ZNF462: variants seen among roughly 807,000 people sequenced by gnomAD.
ZNF462 encodes the protein zinc finger protein 462.
A neutral mutation model predicts 201.9 loss-of-function variants in ZNF462; 10 were observed. The observed-to-expected ratio is 0.05, with a 90% confidence interval of 0.03 to 0.08. ZNF462 has a LOEUF of 0.08. ZNF462 is among the 10% of genes least tolerant of loss of function. ZNF462 has a pLI of 1.00. For missense variants in ZNF462, 2,523 were observed against 3,168.3 expected, an observed-to-expected ratio of 0.80 and a Z score of 4.89; for synonymous variants, 1,227 against 1,193.3, an observed-to-expected ratio of 1.03 and a Z score of -0.58.
chr9:106,950,410 G>A lies in ZNF462; in HGVS notation c.6427+11303G>A, dbSNP rs1167434755. On this transcript the variant is annotated intron_variant, in intron 7 of 12. Coordinates refer to ENST00000277225, the MANE Select transcript of ZNF462 (RefSeq NM_021224.6). The surrounding 1 kb of genome is among the most constrained non-coding windows in gnomAD (Gnocchi z 4.1). ...AGCAGCTGTGTGGTTAGTAGCTGTG[G>A]CAATCACAAATTATTGTCCTTGTGA... Among the ~76,000 whole-genome samples the A allele has an allele frequency of 2.6e-5, 4 of 152,148 alleles. No homozygotes were observed. The highest frequency in any genetic ancestry group is 2.6e-4 in the Admixed American group (4 of 15,276).
At chr9:106,992,367 A>G (rs1828353327) in intron 10 of ZNF462, among the ~76,000 whole-genome samples, 1 of 152,132 alleles carries the variant, frequency 6.6e-6, no homozygotes, top group Admixed American at 6.6e-5. Flanking sequence ...AAGTATGTAG[A>G]CAAACTGGAA....
intron 1 of ZNF462, among the ~76,000 whole-genome samples, chr9:106,909,720 AGG>A (rs1379446731): frequency 6.6e-6 from 1 of 152,164 alleles, no homozygotes. Flanking sequence ...AAAAAGTCAG[AGG>A]ACACCTGACT....
intron 1 of ZNF462, among the ~76,000 whole-genome samples, chr9:106,892,689 C>G (rs146305457): frequency 0.013 from 1,827 of 144,520 alleles, 30 homozygotes; most frequent in African/African-American, 0.049. Flanking sequence ...CACACACACA[C>G]ATGCACACAC....
rs1168539888 is a variant in ZNF462, at chr9:106,886,972, AT to A, written c.-31+23619del. ...TTCCCTATACTTGCTGTCCCTTACA[AT>A]TATGTGACTTAAAATTACAGCCTTA... On this transcript the variant is annotated intron_variant, in intron 1 of 12. Coordinates refer to ENST00000277225, the MANE Select transcript of ZNF462 (RefSeq NM_021224.6). The surrounding 1 kb of genome is among the most constrained non-coding windows in gnomAD (Gnocchi z 4.6). Among the ~76,000 whole-genome samples the A allele has an allele frequency of 2.0e-5, 3 of 152,108 alleles. No individual in the cohort carries two copies. Among genetic ancestry groups the A allele is most frequent in the African/African-American group, 7.2e-5 (3 of 41,418 alleles).
intron 7 of ZNF462, among the ~76,000 whole-genome samples, chr9:106,940,220 C>T (rs986359307): frequency 2.0e-5 from 3 of 152,122 alleles, no homozygotes; most frequent in African/African-American, 4.8e-5. Flanking sequence ...AGAAAAGATA[C>T]GCACCTGTAA....
rs535109225 is a variant in ZNF462 at position 106,919,841 on chromosome 9, A to G, written c.-30-3513A>G. 7.2e-5 allele frequency among the ~76,000 whole-genome samples: 11 copies of G among 152,344 alleles called. No homozygotes were observed. In the East Asian group the frequency reaches 1.2e-3, roughly 16 times the overall value. On this transcript the variant is annotated intron_variant, in intron 1 of 12. Coordinates refer to ENST00000277225, the MANE Select transcript of ZNF462 (RefSeq NM_021224.6). This position sits in a 1 kb window ranked among gnomAD's most constrained non-coding sequence, Gnocchi z 4.5. ...CTATTTGACCTTGAAGGGCCTAGAC[A>G]TATATCTGGGGTAGAAGACAGGGAT... is the stretch of plus-strand genomic sequence containing the variant.
Position 106,984,465 on chromosome 9 carries a change from G to A in ZNF462, c.7056+56G>A, listed in dbSNP as rs1181763457. 4 of 1,413,896 alleles carry A rather than the reference G, an allele frequency of 2.8e-6. No individual in the cohort carries two copies. Among genetic ancestry groups the A allele is most frequent in the Non-Finnish European group, 2.9e-6 (3 of 1,025,154 alleles). The allele number at this position is 1,413,896 out of a possible 1,614,324, so 87.6% of individuals were successfully genotyped here. On this transcript the variant is annotated intron_variant, in intron 10 of 12. Coordinates refer to ENST00000277225, the MANE Select transcript of ZNF462 (RefSeq NM_021224.6). The surrounding 1 kb of genome is among the most constrained non-coding windows in gnomAD (Gnocchi z 6.4). ...AGCACACTTGTGGGGAGGGGCCAAG[G>A]GGGAGACACCACTGCATTTAGTCAC...
Position 106,883,231 on chromosome 9 carries a change from G to T in ZNF462, c.-31+19876G>T, listed in dbSNP as rs1032604424. Among the ~76,000 whole-genome samples the T allele has an allele frequency of 2.6e-5, 4 of 152,214 alleles. No homozygotes were observed. Among genetic ancestry groups the T allele is most frequent in the African/African-American group, 9.7e-5 (4 of 41,448 alleles). On this transcript the variant is annotated intron_variant, in intron 1 of 12. Coordinates refer to ENST00000277225, the MANE Select transcript of ZNF462 (RefSeq NM_021224.6). This position sits in a 1 kb window ranked among gnomAD's most constrained non-coding sequence, Gnocchi z 4.9. ...TTTGAAGGGTGTGCGCTGCAGAGCAGTTTCCTGTTATTTGGTTAATGGTTG... is the reference window on the plus strand; with the variant it reads ...TTTGAAGGGTGTGCGCTGCAGAGCATTTTCCTGTTATTTGGTTAATGGTTG...
chr9:106,994,654 A>G lies in ZNF462; in HGVS notation c.7057-8640A>G, dbSNP rs556561874. 4.0e-4 allele frequency among the ~76,000 whole-genome samples: 61 copies of G among 152,266 alleles called. 1 individual carries two copies. In the Middle Eastern group the frequency reaches 0.027, roughly 68 times the overall value. Reference sequence around the variant, plus strand: ...AGTTCTGCTTCTTGGTTTGTTAACTATAGCTCTGTCTCTTCCGTGTGTTGT... The same window carrying G: ...AGTTCTGCTTCTTGGTTTGTTAACTGTAGCTCTGTCTCTTCCGTGTGTTGT... On this transcript the variant is annotated intron_variant, in intron 10 of 12. Transcript: ENST00000277225.
In ZNF462 at chr9:107,010,933, T is replaced by C. The variant is rs761524331; in HGVS notation, c.7424T>C (p.Ile2475Thr). The C allele has an allele frequency of 2.5e-6, 4 of 1,613,720 alleles. No individual in the cohort carries two copies. Among genetic ancestry groups the C allele is most frequent in the East Asian group, 4.5e-5 (2 of 44,762 alleles). Residue 2475 changes from isoleucine to threonine, a missense_variant, in exon 13 of 13, where the codon ATT becomes ACT. Physicochemically the swap from Ile to Thr is moderately conservative, Grantham distance 89 (BLOSUM62 -1). This residue lies in a region of ZNF462 where 67 missense variants were observed against 63.2 expected (regional missense o/e 1.06). Coordinates refer to ENST00000277225, the MANE Select transcript of ZNF462 (RefSeq NM_021224.6). The surrounding 1 kb of genome is among the most constrained non-coding windows in gnomAD (Gnocchi z 4.6). ...SIEEKEDDEAIGIDFSLKNET... is the reference protein window; with the variant it reads ...SIEEKEDDEATGIDFSLKNET... ...GAGGAAAAGGAAGATGACGAGGCCA[T>C]TGGGATAGACTTTTCCCTAAAGAAT...
At chr9:106,881,338 G>A (rs1483710076) in intron 1 of ZNF462, among the ~76,000 whole-genome samples, 1 of 152,168 alleles carries the variant, frequency 6.6e-6, no homozygotes, top group Non-Finnish European at 1.5e-5. Context: ...GGCCTGTGAG[G>A]ACCTTGGTGG....
At chr9:106,998,799 G>A (rs932921086) in intron 10 of ZNF462, among the ~76,000 whole-genome samples, 1 of 151,902 alleles carries the variant, frequency 6.6e-6, no homozygotes, top group South Asian at 2.1e-4. Context: ...AGTAGAGACG[G>A]GGTTTCACCA....
At chr9:106,893,496 A>G (rs1828679184) in intron 1 of ZNF462, among the ~76,000 whole-genome samples, 1 of 152,226 alleles carries the variant, frequency 6.6e-6, no homozygotes, top group African/African-American at 2.4e-5. Flanking sequence ...GACATGGTAA[A>G]TATTTGGTAA....
intron 1 of ZNF462, among the ~76,000 whole-genome samples, chr9:106,914,712 A>G (rs1252381480): frequency 6.6e-6 from 1 of 152,214 alleles, no homozygotes; most frequent in Non-Finnish European, 1.5e-5. Context: ...GGTGGGAAGA[A>G]AAGACCACAA....
At position 106,929,174 on chromosome 9, in the gene ZNF462, T is replaced by G; in HGVS notation, c.5262T>G (p.Pro1754=). The change falls in exon 3 of 13, where the codon CCT becomes CCG. Residue 1754 remains proline (P), a synonymous_variant. Transcript: ENST00000277225. This position sits in a 1 kb window ranked among gnomAD's most constrained non-coding sequence, Gnocchi z 8.7. The part of the protein sequence containing the change: ...IIPSPPKDDS[P]QLSEELRRAV... ...CATCCCCGCCCAAGGACGACTCCCC[T>G]CAGCTGAGCGAGGAACTCCGGCGGG... 1.2e-6 allele frequency: 2 copies of G among 1,613,996 alleles called. No individual in the cohort carries two copies. Among genetic ancestry groups the G allele is most frequent in the South Asian group, 2.2e-5 (2 of 91,070 alleles).
In ZNF462 at chr9:106,925,555, C is replaced by A; in HGVS notation, c.1643C>A (p.Pro548Gln). ...QQQQPPQPPP[P>Q]PPPPPPSQPQ... ...CAACAGCCACCGCAGCCACCACCAC[C>A]GCCGCCGCCACCACCACCATCACAG... Residue 548 changes from proline to glutamine, a missense_variant, in exon 3 of 13, where the codon CCG becomes CAG. This residue lies in a region of ZNF462 where 383 missense variants were observed against 453.4 expected (regional missense o/e 0.84). Transcript: ENST00000277225. This position sits in a 1 kb window ranked among gnomAD's most constrained non-coding sequence, Gnocchi z 7.9. The A allele has an allele frequency of 6.2e-7, 1 of 1,612,186 alleles. No individual in the cohort carries two copies.
At position 106,886,718 on chromosome 9, in the gene ZNF462, C is replaced by G. The variant is rs529290044; in HGVS notation, c.-31+23363C>G. 5.9e-5 allele frequency among the ~76,000 whole-genome samples: 9 copies of G among 152,116 alleles called. No individual in the cohort carries two copies. Among genetic ancestry groups the G allele is most frequent in the Non-Finnish European group, 1.2e-4 (8 of 68,034 alleles). The stretch of plus-strand genomic sequence containing the variant: ...CAATGTAGGAAGTTAGTTAAGGAAG[C>G]CTGAAATGGAATATCAGTTTTCTGC... On this transcript the variant is annotated intron_variant, in intron 1 of 12. Transcript: ENST00000277225. The surrounding 1 kb of genome is among the most constrained non-coding windows in gnomAD (Gnocchi z 4.6).
In ZNF462 at chr9:106,864,039, GCTCTCTCTCTCTCTCTCTCTCTCT is replaced by G. The variant is rs773917122; in HGVS notation, c.-31+732_-31+755del. ...AGCCCCCCTCTTCCTCAGGTATTTG[GCTCTCTCTCTCTCTCTCTCTCTCT>G]CTCTCTCTCTCTCTCTCTCTCTCTC... On this transcript the variant is annotated intron_variant, in intron 1 of 12. Transcript: ENST00000277225. Among the ~76,000 whole-genome samples the G allele has an allele frequency of 9.5e-3, 217 of 22,750 alleles. 5 individuals carry two copies. The highest frequency in any genetic ancestry group is 0.012 in the African/African-American group (94 of 8,096). The allele number at this position is 22,750 out of a possible 152,430, so 14.9% of individuals were successfully genotyped here.
chr9:106,927,227 G>A lies in ZNF462; in HGVS notation c.3315G>A (p.Pro1105=), dbSNP rs748043392. 152 of 295,076 alleles carry A rather than the reference G, an allele frequency of 5.2e-4. No homozygotes were observed. Among genetic ancestry groups the A allele is most frequent in the Non-Finnish European group, 7.6e-4 (141 of 185,446 alleles). 18.3% of individuals were successfully genotyped at this position (295,076 alleles called of 1,614,324 possible). A position where few individuals can be genotyped will look rare whatever the true frequency, so the allele number is the denominator to read the frequency against. The change falls in exon 3 of 13, where the codon CCG becomes CCA. Residue 1105 remains proline (P), a synonymous_variant. Transcript: ENST00000277225. ...GTTCCCCACCCCCCCCACAACCCCCGCCACCAGACCTCAGTACTGAGCTTT... is the reference window on the plus strand; with the variant it reads ...GTTCCCCACCCCCCCCACAACCCCCACCACCAGACCTCAGTACTGAGCTTT... ...NMGSPPPPQP[P]PPDLSTELYY...
Sources: gnomAD v4.1 joint callset for allele counts (sites outside exome capture counted in the v4.1 genomes callset) on GRCh38, gnomAD v4.1.1 for gene constraint, gnomAD v4.1.1 regional missense constraint, Gnocchi (gnomAD v3.1) non-coding constraint, MANE v1.5 for transcripts, NCBI Gene and HGNC (gene_info 2026-07-23, HGNC 2026-07-21) for gene names.